The following CSMD1 variants were observed in gnomAD, a reference collection of about 807,000 sequenced individuals.
CSMD1 encodes CUB and Sushi multiple domains 1, also known as CUB and sushi domain-containing protein 1.
Under a neutral mutation model 417.5 loss-of-function variants are expected in CSMD1, and 213 were observed. That is an observed-to-expected ratio of 0.51 (90% CI 0.46 to 0.57). The LOEUF is 0.57. Ranked by LOEUF, CSMD1 falls within the 20% of genes least tolerant of loss-of-function variation. The probability of loss-of-function intolerance (pLI) is 0.00; values close to 1 mark genes in which losing one functional copy is unlikely to be tolerated. For missense variants in CSMD1, 6,923 were observed against 4,529.7 expected, an observed-to-expected ratio of 1.53 and a Z score of -15.17; for synonymous variants, 2,862 against 1,736.8, an observed-to-expected ratio of 1.65 and a Z score of -16.11.
At chr8:3,312,402 C>G (rs956719367) in intron 23 of CSMD1, among the ~76,000 whole-genome samples, 1 of 152,108 alleles carries the variant, frequency 6.6e-6, no homozygotes. Context: ...TTGTAAAAAG[C>G]TCTATAACTT....
intron 3 of CSMD1, among the ~76,000 whole-genome samples, chr8:4,221,738 G>A (rs1316951579): frequency 6.6e-6 from 1 of 152,172 alleles, no homozygotes; most frequent in Non-Finnish European, 1.5e-5. Flanking sequence ...ATTAGACTAT[G>A]GGATGCTGGG....
intron 7 of CSMD1, among the ~76,000 whole-genome samples, chr8:3,701,373 C>A (rs1162732160): frequency 6.6e-6 from 1 of 152,122 alleles, no homozygotes; most frequent in Non-Finnish European, 1.5e-5. Flanking sequence ...TTTGTCTCAG[C>A]TTCTACAGAT....
intron 3 of CSMD1, among the ~76,000 whole-genome samples, chr8:4,282,017 G>A (rs758170424): frequency 1.3e-5 from 2 of 152,176 alleles, no homozygotes; most frequent in Non-Finnish European, 2.9e-5. Context: ...GTTCTCTTGA[G>A]ATGTGATTAG....
intron 12 of CSMD1, among the ~76,000 whole-genome samples, chr8:3,460,402 AT>A (rs1816422030): frequency 6.6e-6 from 1 of 152,202 alleles, no homozygotes; most frequent in African/African-American, 2.4e-5. Flanking sequence ...TTTACAGAAT[AT>A]TCTGTGGACC....
At chr8:3,360,928 A>G (rs914815359) in intron 20 of CSMD1, among the ~76,000 whole-genome samples, 5 of 151,904 alleles carry the variant, frequency 3.3e-5, no homozygotes, top group Non-Finnish European at 7.4e-5. Flanking sequence ...CACTTTTATA[A>G]AAACTTTTAT....
chr8:4,216,146 T>C (rs979192125), intron 3 of CSMD1, among the ~76,000 whole-genome samples: 1 of 149,130 alleles, frequency 6.7e-6, no homozygotes, highest in African/African-American at 2.6e-5. Flanking sequence ...TGTAATCCCA[T>C]TTTTTCACAG....
At chr8:4,345,304 C>T (rs1004204628) in intron 3 of CSMD1, among the ~76,000 whole-genome samples, 6 of 152,074 alleles carry the variant, frequency 3.9e-5, no homozygotes, top group South Asian at 2.1e-4. Context: ...TGTTTGAACA[C>T]CCTAGAAGGT....
chr8:3,660,084 G>A lies in CSMD1; in HGVS notation c.1010-43287C>T, dbSNP rs1436180152. Among the ~76,000 whole-genome samples the A allele has an allele frequency of 3.3e-5, 5 of 152,156 alleles. No homozygotes were observed. The East Asian group carries it at 7.7e-4, about 23-fold the overall frequency. Reference sequence around the variant, plus strand: ...CTATGAAGTATAAAATAGAAATAAGGTACCATCGTGATGTATGTGGCTGAC... The same window carrying A: ...CTATGAAGTATAAAATAGAAATAAGATACCATCGTGATGTATGTGGCTGAC... On this transcript the variant is annotated intron_variant, in intron 7 of 69. Transcript: ENST00000635120.
At chr8:3,815,401 G>T (rs1054622467) in intron 5 of CSMD1, among the ~76,000 whole-genome samples, 7 of 152,174 alleles carry the variant, frequency 4.6e-5, no homozygotes, top group African/African-American at 1.7e-4. Context: ...AATCTGGAAT[G>T]AATTGAGATT....
intron 3 of CSMD1, among the ~76,000 whole-genome samples, chr8:4,408,088 C>T (rs573502635): frequency 1.3e-5 from 2 of 152,298 alleles, no homozygotes; most frequent in South Asian, 2.1e-4. Context: ...TAAAAGCATG[C>T]TTCACAAAAA....
At chr8:4,981,973 A>C (rs140485440) in intron 1 of CSMD1, among the ~76,000 whole-genome samples, 11 of 152,298 alleles carry the variant, frequency 7.2e-5, no homozygotes, top group African/African-American at 2.4e-4. Flanking sequence ...GCCCCCAGGA[A>C]CTGATGGTAA....
chr8:3,359,745 A>G (rs1416300831), intron 20 of CSMD1, among the ~76,000 whole-genome samples: 1 of 152,186 alleles, frequency 6.6e-6, no homozygotes, highest in East Asian at 1.9e-4. Flanking sequence ...CAAAGGCAAG[A>G]TCGGAAATGT....
At chr8:3,496,605 G>T (rs984810030) in intron 10 of CSMD1, among the ~76,000 whole-genome samples, 2 of 152,114 alleles carry the variant, frequency 1.3e-5, no homozygotes, top group Non-Finnish European at 1.5e-5. Flanking sequence ...AGGAGGGTGG[G>T]TCATGAGGTC....
chr8:3,647,561 G>C (rs1454320153), intron 7 of CSMD1, among the ~76,000 whole-genome samples: 2 of 152,148 alleles, frequency 1.3e-5, no homozygotes, highest in African/African-American at 4.8e-5. Context: ...ACAGCATAAA[G>C]AGAAATACGG....
At position 3,325,022 on chromosome 8, in the gene CSMD1, A is replaced by G. The variant is rs150032186; in HGVS notation, c.3632-16519T>C. On this transcript the variant is annotated intron_variant, in intron 23 of 69. Coordinates refer to ENST00000635120, the MANE Select transcript of CSMD1 (RefSeq NM_033225.6). Reference sequence around the variant, plus strand: ...TTGTAGAAATACAAATAGGCTTCAAATGTTTTTATGTCAGAATTTGTGGAG... The same window carrying G: ...TTGTAGAAATACAAATAGGCTTCAAGTGTTTTTATGTCAGAATTTGTGGAG... 4.4e-3 allele frequency among the ~76,000 whole-genome samples: 673 copies of G among 152,324 alleles called. 2 individuals are homozygous for G. The highest frequency in any genetic ancestry group is 0.016 in the African/African-American group (653 of 41,580).
chr8:4,834,124 T>A (rs1800318645), intron 1 of CSMD1, among the ~76,000 whole-genome samples: 1 of 152,204 alleles, frequency 6.6e-6, no homozygotes. Flanking sequence ...GTTACATAAT[T>A]GAAAGTTTTT....
intron 6 of CSMD1, among the ~76,000 whole-genome samples, chr8:3,723,948 G>C (rs1358182609): frequency 6.7e-6 from 1 of 148,356 alleles, no homozygotes; most frequent in Non-Finnish European, 1.5e-5. Flanking sequence ...TTAAGAAATA[G>C]CCATTTGTTA....
chr8:4,167,983 G>T (rs1010388204), intron 3 of CSMD1, among the ~76,000 whole-genome samples: 1 of 151,894 alleles, frequency 6.6e-6, no homozygotes, highest in Non-Finnish European at 1.5e-5. Flanking sequence ...CAAAAAATTA[G>T]CCAGGCGTGG....
At chr8:4,325,504 A>T (rs1799510645) in intron 3 of CSMD1, among the ~76,000 whole-genome samples, 1 of 152,162 alleles carries the variant, frequency 6.6e-6, no homozygotes, top group African/African-American at 2.4e-5. Flanking sequence ...TTGTCTGCTC[A>T]TTTTTGCATA....
Sources: allele counts gnomAD v4.1 joint callset (sites outside exome capture counted in the v4.1 genomes callset), GRCh38; gene constraint gnomAD v4.1.1; transcripts MANE v1.5; gene names NCBI Gene and HGNC (gene_info 2026-07-23, HGNC 2026-07-21).